Variants in BICRAL observed in about 807,000 individuals in gnomAD.
BICRAL encodes the protein BICRA like chromatin remodeling complex associated protein.
BICRAL carries 8 observed loss-of-function variants against 91.8 expected under a neutral mutation model. That is an observed-to-expected ratio of 0.09 (90% CI 0.05 to 0.16). The LOEUF (loss-of-function observed/expected upper bound fraction) is 0.16, where lower values mean the gene tolerates loss of function less well. BICRAL is among the 10% of genes least tolerant of loss of function. The probability of loss-of-function intolerance (pLI) is 1.00; values close to 1 mark genes in which losing one functional copy is unlikely to be tolerated. For synonymous variants in BICRAL, 445 were observed against 491.1 expected (o/e 0.91, Z 1.24); for missense variants, 1,038 against 1,310.9 (o/e 0.79, Z 3.21).
intron 1 of BICRAL, among the ~76,000 whole-genome samples, chr6:42,762,964 A>G (rs1465995314): frequency 6.6e-6 from 1 of 152,168 alleles, no homozygotes; most frequent in East Asian, 1.9e-4. Flanking sequence ...AATAAATGAA[A>G]TAGCCTGGCA....
chr6:42,840,564 T>G (rs1349068023), intron 6 of BICRAL, among the ~76,000 whole-genome samples: 1 of 150,716 alleles, frequency 6.6e-6, no homozygotes, highest in Non-Finnish European at 1.5e-5. Flanking sequence ...TGAGATGGAG[T>G]CTTGCTTTGT....
intron 1 of BICRAL, among the ~76,000 whole-genome samples, chr6:42,755,658 C>T (rs2113823917): frequency 6.6e-6 from 1 of 151,832 alleles, no homozygotes; most frequent in African/African-American, 2.4e-5. Context: ...CTCGAGCCAC[C>T]AGTCACCTCT....
chr6:42,834,333 T>G (rs909931516), intron 6 of BICRAL, among the ~76,000 whole-genome samples: 1 of 152,192 alleles, frequency 6.6e-6, no homozygotes, highest in African/African-American at 2.4e-5. Flanking sequence ...GTTTCTCCAC[T>G]GTTTTTCCTT....
chr6:42,806,224 G>A (rs569767743), intron 1 of BICRAL, among the ~76,000 whole-genome samples: 2 of 152,252 alleles, frequency 1.3e-5, no homozygotes, highest in African/African-American at 4.8e-5. Context: ...CTTGTTTGCA[G>A]GTCCCACCTG....
chr6:42,859,300 G>A (rs1765481417), intron 10 of BICRAL, among the ~76,000 whole-genome samples: 2 of 151,806 alleles, frequency 1.3e-5, no homozygotes, highest in South Asian at 4.2e-4. Context: ...GCTGAGGCAG[G>A]AGACTCACTT....
At position 42,865,489 on chromosome 6, in the gene BICRAL, G is replaced by A. The variant is rs202203880; in HGVS notation, c.*43G>A. The A allele has an allele frequency of 2.9e-4, 251 of 857,512 alleles. 3 individuals carry two copies. The East Asian group carries it at 9.2e-3, about 32-fold the overall frequency. 53.1% of individuals were successfully genotyped at this position (857,512 alleles called of 1,614,324 possible). ...CTACCCCGCCCCGAGACCCCACCCC[G>A]AGACCCCACCCCGGACCAGTTACAT... On this transcript the variant is annotated 3_prime_UTR_variant, in exon 13 of 13. Transcript: ENST00000314073.
At chr6:42,769,321 ACT>A (rs1211406419) in intron 1 of BICRAL, among the ~76,000 whole-genome samples, 1 of 152,014 alleles carries the variant, frequency 6.6e-6, no homozygotes, top group African/African-American at 2.4e-5. Context: ...CTGTCCATAG[ACT>A]CTCTGAGTGT....
At chr6:42,750,344 T>G (rs1417371022) in intron 1 of BICRAL, among the ~76,000 whole-genome samples, 8 of 151,520 alleles carry the variant, frequency 5.3e-5, no homozygotes, top group Admixed American at 5.3e-4. Flanking sequence ...TATTTTTTTT[T>G]GCAAAGACAG....
Position 42,862,558 on chromosome 6 carries a change from C to A in BICRAL, c.2398C>A (p.Gln800Lys). 1.2e-6 allele frequency: 2 copies of A among 1,612,580 alleles called. No individual in the cohort carries two copies. The highest frequency in any genetic ancestry group is 1.7e-6 in the Non-Finnish European group (2 of 1,178,690). The stretch of plus-strand genomic sequence containing the variant: ...GGTGATGATCGATAGGATGTTCAAC[C>A]AGGAGGAAAGAGCTTCCCTGTCCCG... ...EMVMIDRMFN[Q>K]EERASLSRDK... The change falls in exon 12 of 13, where the codon CAG becomes AAG. Residue 800 changes from glutamine (Q) to lysine (K), a missense_variant. By Grantham distance (53) the Gln-to-Lys change is moderately conservative. This residue lies in a region of BICRAL where 294 missense variants were observed against 292.6 expected (regional missense o/e 1.00). Transcript: ENST00000314073.
intron 5 of BICRAL, among the ~76,000 whole-genome samples, chr6:42,825,559 G>A (rs1310543239): frequency 4.0e-5 from 6 of 150,524 alleles, no homozygotes; most frequent in East Asian, 2.0e-4. Flanking sequence ...AGCAAGACTC[G>A]GTCTCAAAAA....
upstream of BICRAL, among the ~76,000 whole-genome samples, chr6:42,779,225 C>A (rs1322623638): frequency 0.012 from 94 of 7,706 alleles, no homozygotes; most frequent in Non-Finnish European, 5.4e-3. Flanking sequence ...TCAAGAAAAA[C>A]ACACACACAC....
In BICRAL at chr6:42,825,290, C is replaced by T. The variant is rs1009191550; in HGVS notation, c.159+2287C>T. ...AAAAAAAAAAAAAAAATTGGCTGGG[C>T]GCGGTGGCTCACGCCTGTAATCCCA... is the stretch of plus-strand genomic sequence containing the variant. On this transcript the variant is annotated intron_variant, in intron 5 of 12. Coordinates refer to ENST00000314073, the MANE Select transcript of BICRAL (RefSeq NM_001393499.1). 5.7e-5 allele frequency among the ~76,000 whole-genome samples: 8 copies of T among 140,374 alleles called. No homozygotes were observed. The South Asian group carries it at 1.4e-3, about 24-fold the overall frequency. The allele number at this position is 140,374 out of a possible 152,430, so 92.1% of individuals were successfully genotyped here.
At chr6:42,809,182 T>A (rs1346867593) in intron 1 of BICRAL, among the ~76,000 whole-genome samples, 1 of 136,036 alleles carries the variant, frequency 7.4e-6, no homozygotes, top group African/African-American at 2.7e-5. Flanking sequence ...AGTGAGAACA[T>A]GCAGTATTTG....
intron 1 of BICRAL, among the ~76,000 whole-genome samples, chr6:42,782,356 G>GGGGGT (rs1467948012): frequency 1.6e-5 from 1 of 64,410 alleles, no homozygotes; most frequent in African/African-American, 6.1e-5. Flanking sequence ...GGGGGGGTGG[G>GGGGGT]TTTGTGGGTG....
At chr6:42,818,652 T>TA (rs879808360) in intron 2 of BICRAL, among the ~76,000 whole-genome samples, 1,543 of 146,092 alleles carry the variant, frequency 0.011, 26 homozygotes, top group African/African-American at 0.033. Flanking sequence ...CCAAGATTGT[T>TA]AAAAAAAAAA....
At chr6:42,774,938 C>CT (rs1332971106) in intron 1 of BICRAL, among the ~76,000 whole-genome samples, 1,794 of 144,540 alleles carry the variant, frequency 0.012, 10 homozygotes, top group African/African-American at 0.021. Flanking sequence ...AGAGTGGTTC[C>CT]TTTTTTTTTT....
chr6:42,772,557 G>A (rs926354754), intron 1 of BICRAL, among the ~76,000 whole-genome samples: 4 of 152,142 alleles, frequency 2.6e-5, no homozygotes, highest in Non-Finnish European at 5.9e-5. Context: ...GCCAATTACC[G>A]AGCCACTTGA....
chr6:42,768,842 A>G (rs1373140459), intron 1 of BICRAL, among the ~76,000 whole-genome samples: 2 of 152,170 alleles, frequency 1.3e-5, no homozygotes, highest in Admixed American at 1.3e-4. Context: ...CTGTGTCCCA[A>G]GTGCTAATAC....
At chr6:42,849,719 A>G (rs1235349) in intron 6 of BICRAL, among the ~76,000 whole-genome samples, 16,380 of 150,742 alleles carry the variant, frequency 0.11, 1,871 homozygotes, top group African/African-American at 0.29. Context: ...GATTACAGGC[A>G]TGAGCCACTG....
Sources: allele counts gnomAD v4.1 joint callset (sites outside exome capture counted in the v4.1 genomes callset), GRCh38; gene constraint gnomAD v4.1.1; regional missense constraint gnomAD v4.1.1; transcripts MANE v1.5; gene names NCBI Gene and HGNC (gene_info 2026-07-23, HGNC 2026-07-21).